CLASP2: variants seen among roughly 807,000 people sequenced by gnomAD.
The protein encoded by CLASP2 is CLIP-associating protein 2.
CLASP2 carries 47 observed loss-of-function variants against 194.4 expected under a neutral mutation model. The observed-to-expected ratio is 0.24, with a 90% confidence interval of 0.19 to 0.31. CLASP2 has a LOEUF of 0.31. Ranked by LOEUF, CLASP2 falls within the 10% of genes least tolerant of loss-of-function variation. The pLI, the probability that CLASP2 is intolerant of heterozygous loss-of-function variation, is 1.00. For synonymous variants in CLASP2, 619 were observed against 633.5 expected (o/e 0.98, Z 0.34); for missense variants, 1,445 against 1,823.6 (o/e 0.79, Z 3.78).
chr3:33,566,506 C>A (rs2062761239), intron 27 of CLASP2, among the ~76,000 whole-genome samples: 2 of 152,040 alleles, frequency 1.3e-5, no homozygotes, highest in Admixed American at 6.6e-5. Flanking sequence ...CTTAGGTGTG[C>A]CAGTCATCAA....
intron 18 of CLASP2, among the ~76,000 whole-genome samples, chr3:33,597,753 TTTC>T (rs1185355502): frequency 3.5e-5 from 5 of 144,596 alleles, no homozygotes; most frequent in South Asian, 2.2e-4. Context: ...TTTTCTTTTC[TTTC>T]TTTTTTTTTT....
intron 32 of CLASP2, 30 bp downstream of exon 32, chr3:33,543,403 A>C: frequency 3.0e-6 from 4 of 1,351,182 alleles, no homozygotes; most frequent in Non-Finnish European, 4.3e-6. Flanking sequence ...TACAAATACA[A>C]ACCATCATGA....
chr3:33,624,995 G>A (rs1173338438), intron 10 of CLASP2, among the ~76,000 whole-genome samples: 1 of 151,574 alleles, frequency 6.6e-6, no homozygotes, highest in East Asian at 1.9e-4. Context: ...AAAATATTTT[G>A]GCAGCATCTA....
chr3:33,629,800 A>G (rs1196038467), intron 9 of CLASP2, among the ~76,000 whole-genome samples: 2 of 152,120 alleles, frequency 1.3e-5, no homozygotes, highest in African/African-American at 4.8e-5. Flanking sequence ...GCTATGAAAA[A>G]AAAAAAACGA....
At chr3:33,592,833 TG>T (rs2069147185) in intron 20 of CLASP2, among the ~76,000 whole-genome samples, 1 of 152,210 alleles carries the variant, frequency 6.6e-6, no homozygotes, top group Non-Finnish European at 1.5e-5. Flanking sequence ...TCAGTTTCCA[TG>T]AAGTTCAGAT....
At chr3:33,642,246 A>G (rs1361166359) in intron 8 of CLASP2, among the ~76,000 whole-genome samples, 2 of 151,966 alleles carry the variant, frequency 1.3e-5, no homozygotes, top group Non-Finnish European at 2.9e-5. Context: ...TGAAAGATAT[A>G]TATAAAAGAA....
intron 7 of CLASP2, among the ~76,000 whole-genome samples, chr3:33,651,557 G>A (rs2083215057): frequency 6.6e-6 from 1 of 151,632 alleles, no homozygotes; most frequent in Non-Finnish European, 1.5e-5. Context: ...TTCAGATAAG[G>A]GTCTGTGAAT....
intron 21 of CLASP2, among the ~76,000 whole-genome samples, chr3:33,586,542 TA>T (rs901457864): frequency 1.3e-5 from 2 of 152,142 alleles, no homozygotes; most frequent in African/African-American, 4.8e-5. Context: ...AAAAAAGTTT[TA>T]AAAACATGTT....
At chr3:33,677,891 G>C (rs1575522720) in intron 6 of CLASP2, among the ~76,000 whole-genome samples, 2 of 118,726 alleles carry the variant, frequency 1.7e-5, no homozygotes, top group South Asian at 5.3e-4. Context: ...AAAAAAAGTA[G>C]ATAGGTAAGA....
chr3:33,676,541 CA>C (rs2088681440), intron 6 of CLASP2, among the ~76,000 whole-genome samples: 1 of 149,906 alleles, frequency 6.7e-6, no homozygotes, highest in Non-Finnish European at 1.5e-5. Context: ...ACACCTTATA[CA>C]AAAATCAATT....
At chr3:33,509,261 T>C (rs1282380955) in intron 37 of CLASP2, among the ~76,000 whole-genome samples, 1 of 152,214 alleles carries the variant, frequency 6.6e-6, no homozygotes, top group African/African-American at 2.4e-5. Flanking sequence ...AAAATAACCA[T>C]ACCAGCATCT....
At chr3:33,652,096 T>G (rs950465138) in intron 7 of CLASP2, among the ~76,000 whole-genome samples, 3 of 152,100 alleles carry the variant, frequency 2.0e-5, no homozygotes, top group African/African-American at 4.8e-5. Context: ...AAAAAATACA[T>G]CTTATGTGGA....
At chr3:33,659,526 A>C (rs886164167) in intron 7 of CLASP2, 30 of 468,944 alleles carry the variant, frequency 6.4e-5, no homozygotes, top group Non-Finnish European at 7.5e-5. Context: ...TTTACAACAG[A>C]AGATTGCTAG....
intron 6 of CLASP2, among the ~76,000 whole-genome samples, chr3:33,668,092 G>T (rs1017201690): frequency 1.3e-5 from 2 of 151,986 alleles, no homozygotes; most frequent in South Asian, 4.1e-4. Context: ...GGTAGCAGGG[G>T]CCTGTAATCC....
intron 30 of CLASP2, among the ~76,000 whole-genome samples, chr3:33,545,584 T>C (rs113147279): frequency 0.016 from 2,490 of 152,144 alleles, 65 homozygotes; most frequent in African/African-American, 0.056. Flanking sequence ...AATGTAGAAA[T>C]TGAGAAAGGT....
intron 1 of CLASP2, among the ~76,000 whole-genome samples, chr3:33,709,500 C>T (rs538185807): frequency 6.6e-5 from 10 of 152,070 alleles, no homozygotes; most frequent in Middle Eastern, 3.4e-3. Flanking sequence ...AAGGAGGAGG[C>T]CAAAAGCCAC....
intron 34 of CLASP2, among the ~76,000 whole-genome samples, chr3:33,517,948 T>A (rs1047716361): frequency 1.3e-5 from 2 of 152,184 alleles, no homozygotes; most frequent in African/African-American, 4.8e-5. Flanking sequence ...ATGCCCAGAC[T>A]ATCAATCTTT....
chr3:33,712,102 T>C (rs1286591189), intron 1 of CLASP2, among the ~76,000 whole-genome samples: 3 of 152,284 alleles, frequency 2.0e-5, no homozygotes, highest in East Asian at 3.9e-4. Flanking sequence ...TGCAAAGATA[T>C]GGAACCAACC....
chr3:33,693,935 A>G (rs1293513921), intron 2 of CLASP2, among the ~76,000 whole-genome samples: 1 of 152,082 alleles, frequency 6.6e-6, no homozygotes, highest in Non-Finnish European at 1.5e-5. Flanking sequence ...AACCAACAAA[A>G]GTAAGTTAAT....
Sources: gnomAD v4.1 joint callset for allele counts (sites outside exome capture counted in the v4.1 genomes callset) on GRCh38, gnomAD v4.1.1 for gene constraint, MANE v1.5 for transcripts, NCBI Gene and HGNC (gene_info 2026-07-23, HGNC 2026-07-21) for gene names.